ST6GALNAC1: variants seen among roughly 807,000 people sequenced by gnomAD.
ST6GALNAC1 encodes ST6 N-acetylgalactosaminide alpha-2,6-sialyltransferase 1, also known as alpha-N-acetylgalactosaminide alpha-2,6-sialyltransferase 1.
Under a neutral mutation model 56.8 loss-of-function variants are expected in ST6GALNAC1, and 45 were observed. That is an observed-to-expected ratio of 0.79 (90% CI 0.62 to 1.02). The LOEUF (loss-of-function observed/expected upper bound fraction) is 1.02. Ranked by LOEUF, ST6GALNAC1 falls within the 50% of genes least tolerant of loss-of-function variation. ST6GALNAC1 has a pLI of 0.00. For missense variants in ST6GALNAC1, 743 were observed against 754.8 expected (o/e 0.98, Z 0.18); for synonymous variants, 295 against 297.8 (o/e 0.99, Z 0.10).
At chr17:76,628,214 G>C (rs924688212) in intron 2 of ST6GALNAC1, among the ~76,000 whole-genome samples, 50 of 149,872 alleles carry the variant, frequency 3.3e-4, no homozygotes, top group Non-Finnish European at 1.0e-4. Context: ...TCATATGTGT[G>C]TAAATGTGTG....
intron 1 of ST6GALNAC1, among the ~76,000 whole-genome samples, chr17:76,633,075 G>A (rs932277653): frequency 2.6e-5 from 4 of 151,824 alleles, no homozygotes; most frequent in African/African-American, 9.7e-5. Flanking sequence ...TTGGTGTGTT[G>A]GCACGCACCT....
chr17:76,626,413 G>A, intron 5 of ST6GALNAC1, 21 bp from the exon 6 acceptor site: 2 of 1,611,168 alleles, frequency 1.2e-6, no homozygotes, highest in Non-Finnish European at 1.7e-6. Flanking sequence ...AGGACAGGGA[G>A]TGGTCCAAAA....
chr17:76,632,596 T>G (rs1335649629), intron 1 of ST6GALNAC1, among the ~76,000 whole-genome samples: 1 of 152,214 alleles, frequency 6.6e-6, no homozygotes, highest in Non-Finnish European at 1.5e-5. Flanking sequence ...TTCATTTAAT[T>G]CCCTATAATT....
At chr17:76,641,465 A>G (rs2076047058) in intron 1 of ST6GALNAC1, among the ~76,000 whole-genome samples, 1 of 152,230 alleles carries the variant, frequency 6.6e-6, no homozygotes, top group South Asian at 2.1e-4. Flanking sequence ...AGATATGAAC[A>G]GGTCATTCAT....
In ST6GALNAC1 at chr17:76,641,148, T is replaced by C. The variant is rs539798131; in HGVS notation, c.131+2360A>G. Among the ~76,000 whole-genome samples the C allele has an allele frequency of 6.6e-5, 10 of 152,298 alleles. No homozygotes were observed. The East Asian group carries it at 1.9e-3, about 29-fold the overall frequency. On this transcript the variant is annotated intron_variant, in intron 1 of 8. Transcript: ENST00000156626. Reference sequence around the variant, plus strand: ...AGAAATGATGTAATGCATGTCTCAATTGAGTAACTGTCTTTGTTTCTTGCT... The same window carrying C: ...AGAAATGATGTAATGCATGTCTCAACTGAGTAACTGTCTTTGTTTCTTGCT...
rs374298594 is a variant in ST6GALNAC1 at position 76,638,541 on chromosome 17, C to T, written c.131+4967G>A. On this transcript the variant is annotated intron_variant, in intron 1 of 8. Transcript: ENST00000156626. The stretch of plus-strand genomic sequence containing the variant: ...CTGAGTAGCTGGGATTACAGGCAAC[C>T]GCCACCACGCCTGGCTAACTTTTGT... Among the ~76,000 whole-genome samples, 8 of 151,908 alleles carry T rather than the reference C, an allele frequency of 5.3e-5. 1 individual carries two copies. Among genetic ancestry groups the T allele is most frequent in the African/African-American group, 1.4e-4 (6 of 41,418 alleles).
intron 1 of ST6GALNAC1, 72 bp from the exon 2 acceptor site, chr17:76,629,783 GTTTTTTT>G: frequency 1.4e-6 from 1 of 737,134 alleles, no homozygotes; most frequent in Non-Finnish European, 2.0e-6. Flanking sequence ...GTAGTTTTTT[GTTTTTTT>G]TTTTTTTTTT....
intron 1 of ST6GALNAC1, among the ~76,000 whole-genome samples, chr17:76,642,977 C>T (rs2076068517): frequency 6.7e-6 from 1 of 149,568 alleles, no homozygotes; most frequent in South Asian, 2.1e-4. Context: ...TGTGTATTTT[C>T]TAAGAAAAAT....
chr17:76,620,291 C>T (rs987927778), downstream of ST6GALNAC1, among the ~76,000 whole-genome samples: 5 of 152,096 alleles, frequency 3.3e-5, no homozygotes, highest in East Asian at 1.9e-4. Flanking sequence ...CTGCCTGCCT[C>T]GGTCTCCCAA....
chr17:76,625,523 C>G lies in ST6GALNAC1; in HGVS notation c.1610G>C (p.Ser537Thr). Residue 537 changes from serine to threonine, a missense_variant, in exon 9 of 9, where the codon AGT becomes ACT. By Grantham distance (58) the Ser-to-Thr change is moderately conservative. Transcript: ENST00000156626. ...GCCCTCAGTGATGAAGCCATAAGCA[C>G]TCACCTACATCACGGTTGGAGGAGA... ...LTALQLCDQV[S>T]AYGFITEGHE... The G allele has an allele frequency of 1.2e-6, 2 of 1,613,758 alleles. No homozygotes were observed. Among genetic ancestry groups the G allele is most frequent in the Non-Finnish European group, 1.7e-6 (2 of 1,180,024 alleles).
chr17:76,640,940 T>C (rs56224830), intron 1 of ST6GALNAC1, among the ~76,000 whole-genome samples: 29,364 of 152,118 alleles, frequency 0.19, 3,609 homozygotes, highest in African/African-American at 0.35. Flanking sequence ...CCCAATTCCC[T>C]CTAAGAAACA....
At chr17:76,629,869 A>C (rs970030582) in intron 1 of ST6GALNAC1, among the ~76,000 whole-genome samples, 158 bp from the exon 2 acceptor site, 2 of 144,038 alleles carry the variant, frequency 1.4e-5, no homozygotes, top group South Asian at 2.2e-4. Context: ...TGCAACCTCC[A>C]TCTCCTGGGT....
rs1490230615 is a variant in ST6GALNAC1, at chr17:76,626,012, T to C, written c.1499A>G (p.Lys500Arg). ...LLHPDFLRYM[K>R]NRFLRSKTLD... ...ACGTGCTTTCTGCTCTAACCTGTTCTTCATGTATCGGAGAAAGTCTGGGTG... is the reference window on the plus strand; with the variant it reads ...ACGTGCTTTCTGCTCTAACCTGTTCCTCATGTATCGGAGAAAGTCTGGGTG... Residue 500 changes from lysine (K) to arginine (R), a missense_variant, in exon 7 of 9, where the codon AAG (lysine) becomes AGG (arginine). Coordinates refer to ENST00000156626, the MANE Select transcript of ST6GALNAC1 (RefSeq NM_018414.5). The C allele has an allele frequency of 1.2e-6, 2 of 1,614,156 alleles. No homozygotes were observed. Among genetic ancestry groups the C allele is most frequent in the Middle Eastern group, 3.3e-4 (2 of 6,062 alleles).
intron 1 of ST6GALNAC1, 81 bp from the exon 2 acceptor site, chr17:76,629,792 T>G (rs1354246421): frequency 1.2e-5 from 14 of 1,180,854 alleles, no homozygotes; most frequent in Middle Eastern, 2.0e-4. Flanking sequence ...TGTTTTTTTT[T>G]TTTTTTTTGA....
chr17:76,634,916 G>C (rs1248057348), intron 1 of ST6GALNAC1, among the ~76,000 whole-genome samples: 1 of 152,050 alleles, frequency 6.6e-6, no homozygotes, highest in African/African-American at 2.4e-5. Flanking sequence ...AAACTCCAAA[G>C]TTTATCTTCC....
At position 76,627,083 on chromosome 17, in the gene ST6GALNAC1, G is replaced by A; in HGVS notation, c.1156C>T (p.His386Tyr). Reference sequence around the variant, plus strand: ...ACAGCTTACCGGAACACGTAGTCGTGACTGTCTATCTCCTGGCCCATGTGG... The same window carrying A: ...ACAGCTTACCGGAACACGTAGTCGTAACTGTCTATCTCCTGGCCCATGTGG... ...NSHMGQEIDS[H>Y]DYVFRLSGAL... Residue 386 changes from histidine to tyrosine, a missense_variant, in exon 4 of 9, where the codon CAC becomes TAC. Transcript: ENST00000156626. The surrounding 1 kb of genome is among the most constrained non-coding windows in gnomAD (Gnocchi z 4.4). 6.4e-7 allele frequency: 1 copy of A among 1,558,236 alleles called. No homozygotes were observed. The highest frequency in any genetic ancestry group is 8.7e-7 in the Non-Finnish European group (1 of 1,152,482).
intron 4 of ST6GALNAC1, 49 bp from the exon 5 acceptor site, chr17:76,626,838 AT>A: frequency 6.2e-7 from 1 of 1,607,420 alleles, no homozygotes; most frequent in Non-Finnish European, 8.5e-7. Flanking sequence ...GAGGAGGGAG[AT>A]TTGTGTAGGT....
the ST6GALNAC1 span, among the ~76,000 whole-genome samples, chr17:76,619,740 G>GGTTTTTTTTTTTTTTTT: frequency 2.0e-5 from 2 of 101,572 alleles, no homozygotes; most frequent in African/African-American, 7.9e-5. Flanking sequence ...AATAATGTTA[G>GGTTTTTTTTTTTTTTTT]TTTTTTTTTT....
the ST6GALNAC1 span, among the ~76,000 whole-genome samples, chr17:76,618,181 T>C: frequency 6.6e-6 from 1 of 152,128 alleles, no homozygotes; most frequent in Non-Finnish European, 1.5e-5. Context: ...AAGCAGGTGG[T>C]TTCATCAGGC....
Sources: allele counts gnomAD v4.1 joint callset (sites outside exome capture counted in the v4.1 genomes callset), GRCh38; gene constraint gnomAD v4.1.1; non-coding constraint Gnocchi (gnomAD v3.1); transcripts MANE v1.5; gene names NCBI Gene and HGNC (gene_info 2026-07-23, HGNC 2026-07-21).